Variants in DNAJC6 observed in about 807,000 individuals in gnomAD.
DNAJC6 encodes the protein DnaJ heat shock protein family (Hsp40) member C6.
A neutral mutation model predicts 110.0 loss-of-function variants in DNAJC6; 34 were observed. The observed-to-expected ratio is 0.31, with a 90% CI of 0.24 to 0.41. DNAJC6 has a LOEUF of 0.41. DNAJC6 is among the 10% of genes least tolerant of loss of function. The probability of loss-of-function intolerance (pLI) is 1.00; values close to 1 mark genes in which losing one functional copy is unlikely to be tolerated. For missense variants in DNAJC6, 1,031 were observed against 1,207.8 expected (o/e 0.85, Z 2.17); for synonymous variants, 406 against 437.2 (o/e 0.93, Z 0.89).
At chr1:65,403,753 A>G (rs1313318029) in intron 15 of DNAJC6, among the ~76,000 whole-genome samples, 1 of 152,224 alleles carries the variant, frequency 6.6e-6, no homozygotes, top group Non-Finnish European at 1.5e-5. Context: ...CTCTGCTTCA[A>G]TAGCATTAAC....
intron 1 of DNAJC6, among the ~76,000 whole-genome samples, chr1:65,294,303 A>T (rs533884481): frequency 1.1e-4 from 16 of 152,294 alleles, no homozygotes; most frequent in African/African-American, 3.8e-4. Context: ...GATCATGTTG[A>T]ACATCAGTTC....
chr1:65,302,124 A>T (rs952950789), intron 1 of DNAJC6, among the ~76,000 whole-genome samples: 1 of 19,238 alleles, frequency 5.2e-5, no homozygotes, highest in Non-Finnish European at 7.2e-5. Context: ...ATATATATAT[A>T]AAAAATATAT....
At chr1:65,330,695 C>T (rs947050033) in intron 1 of DNAJC6, among the ~76,000 whole-genome samples, 10 of 152,182 alleles carry the variant, frequency 6.6e-5, no homozygotes, top group African/African-American at 2.2e-4. Context: ...TCTCAATCTC[C>T]TGACCTCGTG....
In DNAJC6 at chr1:65,389,746, C is replaced by T. The variant is rs1168104041; in HGVS notation, c.1468+119C>T. 6.6e-6 allele frequency: 7 copies of T among 1,068,562 alleles called. No homozygotes were observed. The Admixed American group carries it at 8.3e-5, about 13-fold the overall frequency. The allele number at this position is 1,068,562 out of a possible 1,614,324, so 66.2% of individuals were successfully genotyped here. A position where few individuals can be genotyped will look rare whatever the true frequency, so the allele number is the denominator to read the frequency against. ...GCACTTAGAGGTCATTCAATCCAGG[C>T]ACACGGACTCCCACCTGTAAGCCCA... On this transcript the variant is annotated intron_variant, in intron 11 of 18. Coordinates refer to ENST00000371069, the MANE Select transcript of DNAJC6 (RefSeq NM_001256864.2).
chr1:65,389,602 T>C lies in DNAJC6; in HGVS notation c.1443T>C (p.Gly481=). Residue 481 remains glycine (G), a synonymous_variant, in exon 11 of 19, where the codon GGT becomes GGC. Coordinates refer to ENST00000371069, the MANE Select transcript of DNAJC6 (RefSeq NM_001256864.2). ...ACCCCAGGCATTACGGACAAAGTGGTTTCTTTGCCTCTCTCTGTTGGCAAG... is the reference window on the plus strand; with the variant it reads ...ACCCCAGGCATTACGGACAAAGTGGCTTCTTTGCCTCTCTCTGTTGGCAAG... ...PDNPRHYGQS[G]FFASLCWQDQ... 6.2e-7 allele frequency: 1 copy of C among 1,614,160 alleles called. No individual in the cohort carries two copies. Among genetic ancestry groups the C allele is most frequent in the Non-Finnish European group, 8.5e-7 (1 of 1,180,014 alleles).
intron 15 of DNAJC6, among the ~76,000 whole-genome samples, chr1:65,402,740 C>T (rs1052654130): frequency 2.6e-5 from 4 of 152,180 alleles, no homozygotes; most frequent in South Asian, 2.1e-4. Context: ...GCCTGGCTAC[C>T]GTTGTTGTCT....
chr1:65,294,165 C>T (rs1644906308), intron 1 of DNAJC6, among the ~76,000 whole-genome samples: 1 of 152,204 alleles, frequency 6.6e-6, no homozygotes, highest in Admixed American at 6.5e-5. Context: ...TGAAACCTGA[C>T]TTGTGAACTA....
chr1:65,280,491 A>G (rs1415395465), intron 1 of DNAJC6, among the ~76,000 whole-genome samples: 2 of 152,234 alleles, frequency 1.3e-5, no homozygotes, highest in Non-Finnish European at 2.9e-5. Context: ...CCAGGACAAT[A>G]TGTTTACGTG....
At chr1:65,287,156 A>G (rs924935061) in intron 1 of DNAJC6, among the ~76,000 whole-genome samples, 3 of 152,234 alleles carry the variant, frequency 2.0e-5, no homozygotes, top group African/African-American at 2.4e-5. Context: ...GATTGGAAGT[A>G]CCATATGTAC....
intron 1 of DNAJC6, among the ~76,000 whole-genome samples, chr1:65,337,282 G>A (rs377086246): frequency 4.1e-5 from 5 of 122,906 alleles, no homozygotes; most frequent in East Asian, 4.3e-4. Flanking sequence ...ATTAGGGGCT[G>A]CAAATGTAAT....
intron 8 of DNAJC6, 110 bp downstream of exon 8, chr1:65,387,039 ATGAAAAAGAGCGTTTAAAGAT>A: frequency 4.3e-6 from 4 of 919,642 alleles, no homozygotes; most frequent in Non-Finnish European, 7.0e-6. Flanking sequence ...TAGTTTTAGA[ATGAAAAAGAGCGTTTAAAGAT>A]TGCTTAGCTC....
At position 65,406,048 on chromosome 1, in the gene DNAJC6, T is replaced by A; in HGVS notation, c.2406T>A (p.Ser802=). Residue 802 remains serine (S), a synonymous_variant, in exon 16 of 19, where the codon TCT becomes TCA. Transcript: ENST00000371069. ...PKPQPSMPHS[S]PQNRPNYNVS... is the part of the protein sequence containing the mutation. ...CTCAGCCCAGCATGCCCCACTCCTCTCCCCAGAACCGACCCAACTACAACG... is the reference window on the plus strand; with the variant it reads ...CTCAGCCCAGCATGCCCCACTCCTCACCCCAGAACCGACCCAACTACAACG... 4 of 1,613,982 alleles carry A rather than the reference T, an allele frequency of 2.5e-6. No individual in the cohort carries two copies. Among genetic ancestry groups the A allele is most frequent in the Non-Finnish European group, 3.4e-6 (4 of 1,180,014 alleles).
At chr1:65,296,409 A>G (rs928101505) in intron 1 of DNAJC6, among the ~76,000 whole-genome samples, 1 of 152,136 alleles carries the variant, frequency 6.6e-6, no homozygotes, top group African/African-American at 2.4e-5. Context: ...AATGCTGAGA[A>G]CTCTGACCCG....
chr1:65,271,548 A>G (rs532431906), intron 1 of DNAJC6, among the ~76,000 whole-genome samples: 2 of 152,094 alleles, frequency 1.3e-5, no homozygotes, highest in Admixed American at 6.6e-5. Flanking sequence ...TCATTTTCTA[A>G]TTGTTTATTC....
rs145956280 is a variant in DNAJC6, at chr1:65,318,980, C to T, written c.193+9042C>T. 2.1e-3 allele frequency among the ~76,000 whole-genome samples: 320 copies of T among 152,018 alleles called. 1 individual carries two copies. Among genetic ancestry groups the T allele is most frequent in the African/African-American group, 7.3e-3 (302 of 41,458 alleles). ...GCATGCCAGTGGAGGACCAGGAGAA[C>T]AATCAAATTGCAGTTTAGCTGATGA... On this transcript the variant is annotated intron_variant, in intron 1 of 18. Coordinates refer to ENST00000371069, the MANE Select transcript of DNAJC6 (RefSeq NM_001256864.2).
chr1:65,345,680 G>A, intron 1 of DNAJC6: 1 of 835,696 alleles, frequency 1.2e-6, no homozygotes, highest in Non-Finnish European at 1.3e-6. Context: ...TGAGTGGAAG[G>A]AGTCTGAAGA....
intron 1 of DNAJC6, among the ~76,000 whole-genome samples, chr1:65,356,386 A>T (rs887457834): frequency 1.3e-4 from 19 of 151,960 alleles, no homozygotes; most frequent in African/African-American, 4.6e-4. Flanking sequence ...AGCCTGGGAA[A>T]CATGGTGAAA....
Position 65,374,003 on chromosome 1 carries a change from T to C in DNAJC6, c.544-5399T>C, listed in dbSNP as rs189198772. On this transcript the variant is annotated intron_variant, in intron 4 of 18. Transcript: ENST00000371069. ...CTATTTTCATTTTTCTGCATATAGT[T>C]ACCCACTTTTCCCAGCACCATCTAT... Among the ~76,000 whole-genome samples the C allele has an allele frequency of 1.6e-3, 242 of 152,332 alleles. 1 individual carries two copies. Among genetic ancestry groups the C allele is most frequent in the Non-Finnish European group, 2.6e-3 (180 of 68,030 alleles).
intron 18 of DNAJC6, 63 bp downstream of exon 18, chr1:65,411,489 G>A: frequency 6.7e-7 from 1 of 1,500,094 alleles, no homozygotes; most frequent in East Asian, 2.3e-5. Context: ...TTATGAGTAT[G>A]TGTTTTACTT....
Sources: gnomAD v4.1 joint callset for allele counts (sites outside exome capture counted in the v4.1 genomes callset) on GRCh38, gnomAD v4.1.1 for gene constraint, MANE v1.5 for transcripts, NCBI Gene and HGNC (gene_info 2026-07-23, HGNC 2026-07-21) for gene names.